The following ZWILCH variants were observed in gnomAD, a reference collection of about 807,000 sequenced individuals.
ZWILCH encodes zwilch kinetochore protein.
In ZWILCH, 74 loss-of-function variants were observed where a neutral mutation model predicts 79.9. The ratio of observed to expected loss-of-function variants is 0.93; its 90% CI spans 0.77 to 1.12. The LOEUF (loss-of-function observed/expected upper bound fraction) is 1.12, where lower values mean the gene tolerates loss of function less well. Ranked by LOEUF, ZWILCH falls within the 50% of genes most tolerant of loss-of-function variation. The probability of loss-of-function intolerance (pLI) is 0.00; values close to 1 mark genes in which losing one functional copy is unlikely to be tolerated. For missense variants in ZWILCH, 694 were observed against 687.5 expected, an observed-to-expected ratio of 1.01 and a Z score of -0.11; for synonymous variants, 241 against 228.2, an observed-to-expected ratio of 1.06 and a Z score of -0.51.
rs1491513134 is a variant in ZWILCH at position 66,509,870 on chromosome 15, T to TATATATATAG, written c.105+978_105+979insATATATATAG. Among the ~76,000 whole-genome samples the TATATATATAG allele has an allele frequency of 4.7e-4, 47 of 100,554 alleles. 3 individuals carry two copies. Among genetic ancestry groups the TATATATATAG allele is most frequent in the African/African-American group, 6.2e-4 (16 of 25,730 alleles). The allele number at this position is 100,554 out of a possible 152,430, so 66.0% of individuals were successfully genotyped here. On this transcript the variant is annotated intron_variant, in intron 2 of 18. Transcript: ENST00000307897. The stretch of plus-strand genomic sequence containing the variant: ...ATATATATATATATATATATATATA[T>TATATATATAG]CTCTTAAAAATCAATGAGGAAGATG...
intron 4 of ZWILCH, among the ~76,000 whole-genome samples, chr15:66,517,933 A>G (rs1894348449): frequency 6.6e-6 from 1 of 151,366 alleles, no homozygotes; most frequent in Non-Finnish European, 1.5e-5. Context: ...GGGTTTCACC[A>G]TGTTGGTCAG....
Position 66,514,075 on chromosome 15 carries a change from G to A in ZWILCH, c.193G>A (p.Glu65Lys), listed in dbSNP as rs545769609. ...TGAAAATGACATAGTATTCATAGTG[G>A]AAAAAGTGGTAAGTACTGGTTTGAC... ...LNENDIVFIV[E>K]KVPLEKEETS... Residue 65 changes from glutamate (E) to lysine (K), a missense_variant, in exon 3 of 19, where the codon GAA (glutamate) becomes AAA (lysine). Coordinates refer to ENST00000307897, the MANE Select transcript of ZWILCH (RefSeq NM_017975.5). 1 of 1,604,532 alleles carries A rather than the reference G, an allele frequency of 6.2e-7. No homozygotes were observed. The highest frequency in any genetic ancestry group is 1.1e-5 in the South Asian group (1 of 89,468).
At chr15:66,542,926 A>G (rs992605617) in intron 17 of ZWILCH, among the ~76,000 whole-genome samples, 2 of 152,224 alleles carry the variant, frequency 1.3e-5, no homozygotes, top group African/African-American at 4.8e-5. Context: ...GCAAAGATCA[A>G]AAAGTTTGGT....
chr15:66,535,661 GTGAGACCCTGTC>G (rs1230700767), intron 14 of ZWILCH, among the ~76,000 whole-genome samples: 2 of 149,666 alleles, frequency 1.3e-5, no homozygotes, highest in Non-Finnish European at 3.0e-5. Context: ...GTGTGGCAGA[GTGAGACCCTGTC>G]TCAAAAAAAA....
intron 3 of ZWILCH, among the ~76,000 whole-genome samples, chr15:66,514,797 A>C (rs527526342): frequency 6.6e-6 from 1 of 152,236 alleles, no homozygotes; most frequent in Non-Finnish European, 1.5e-5. Flanking sequence ...AACACCAATC[A>C]GAGGTTATTG....
intron 17 of ZWILCH, among the ~76,000 whole-genome samples, chr15:66,540,634 CTTT>C (rs763324094): frequency 7.1e-6 from 1 of 141,104 alleles, no homozygotes; most frequent in African/African-American, 2.6e-5. Flanking sequence ...TATTTTCTTT[CTTT>C]TTTTTTTTTG....
rs1033761235 is a variant in ZWILCH, at chr15:66,508,709, G to C, written c.54-132G>C. On this transcript the variant is annotated intron_variant, in intron 1 of 18. Coordinates refer to ENST00000307897, the MANE Select transcript of ZWILCH (RefSeq NM_017975.5). ...TTCTCTCTCTGCAACTACATCTTAG[G>C]GCTGCTGTAAGTACTTGCTTTTTGC... 2.1e-6 allele frequency: 3 copies of C among 1,437,932 alleles called. No homozygotes were observed. The African/African-American group carries it at 4.3e-5, about 21-fold the overall frequency. The allele number at this position is 1,437,932 out of a possible 1,614,324, so 89.1% of individuals were successfully genotyped here.
rs779094520 is a variant in ZWILCH, at chr15:66,532,400, A to G, written c.1309A>G (p.Ile437Val). Reference sequence around the variant, plus strand: ...AAAGAAAGATTATATCAGTTTTTTCATAGGTAAGTATCTTTCCTGGCTCAA... The same window carrying G: ...AAAGAAAGATTATATCAGTTTTTTCGTAGGTAAGTATCTTTCCTGGCTCAA... Reference protein sequence around the residue: ...KLKKDYISFFIGQELASLNHL... With the variant: ...KLKKDYISFFVGQELASLNHL... Residue 437 changes from isoleucine to valine, a missense_variant, in exon 13 of 19, where the codon ATA becomes GTA. Ile to Val is a conservative substitution (Grantham distance 29, BLOSUM62 3). Coordinates refer to ENST00000307897, the MANE Select transcript of ZWILCH (RefSeq NM_017975.5). The G allele has an allele frequency of 3.2e-5, 51 of 1,602,030 alleles. No homozygotes were observed. In the Admixed American group the frequency reaches 4.0e-4, roughly 13 times the overall value.
At chr15:66,505,672 C>A in intron 1 of ZWILCH, 1 of 466,340 alleles carries the variant, frequency 2.1e-6, no homozygotes, top group Non-Finnish European at 3.8e-6. Flanking sequence ...GACACACTTG[C>A]CATAAGTAGA....
At chr15:66,527,723 C>G (rs1894722208) in intron 9 of ZWILCH, 134 bp from the exon 10 acceptor site, 1 of 762,770 alleles carries the variant, frequency 1.3e-6, no homozygotes, top group South Asian at 1.7e-5. Flanking sequence ...TAATCTCCAC[C>G]AGAGTTCAGT....
chr15:66,513,708 A>C (rs1177591173), intron 2 of ZWILCH, among the ~76,000 whole-genome samples: 1 of 151,842 alleles, frequency 6.6e-6, no homozygotes, highest in African/African-American at 2.4e-5. Flanking sequence ...AGCAGCTGGG[A>C]CTACAGGCGC....
Position 66,540,173 on chromosome 15 carries a change from C to T in ZWILCH, c.1650C>T (p.Asp550=). Residue 550 remains aspartate (D), a synonymous_variant, in exon 17 of 19, where the codon GAC becomes GAT. Transcript: ENST00000307897. ...TTAAGACAGTTTGGCAACTGAGTGACAGCTCACCCATAGACCATCTGAATT... is the reference window on the plus strand; with the variant it reads ...TTAAGACAGTTTGGCAACTGAGTGATAGCTCACCCATAGACCATCTGAATT... The part of the protein sequence containing the change: ...KKIKTVWQLS[D]SSPIDHLNFH... The T allele has an allele frequency of 1.2e-6, 2 of 1,613,566 alleles. No individual in the cohort carries two copies. Among genetic ancestry groups the T allele is most frequent in the Non-Finnish European group, 1.7e-6 (2 of 1,179,620 alleles).
intron 4 of ZWILCH, among the ~76,000 whole-genome samples, chr15:66,517,381 CTAT>C (rs1894304635): frequency 7.5e-6 from 1 of 132,718 alleles, no homozygotes; most frequent in African/African-American, 2.9e-5. Flanking sequence ...ATGTTTATAA[CTAT>C]TGTTATACCT....
At chr15:66,507,054 G>T (rs1893855334) in intron 1 of ZWILCH, among the ~76,000 whole-genome samples, 1 of 152,030 alleles carries the variant, frequency 6.6e-6, no homozygotes, top group East Asian at 1.9e-4. Context: ...GTAGAGAAGA[G>T]GTTTCACCAT....
At chr15:66,516,470 A>G (rs528800851) in intron 4 of ZWILCH, among the ~76,000 whole-genome samples, 7 of 151,738 alleles carry the variant, frequency 4.6e-5, no homozygotes, top group African/African-American at 1.4e-4. Flanking sequence ...TTATATCTTC[A>G]TGCTGGTTTT....
At chr15:66,537,141 A>C (rs775271157) in intron 15 of ZWILCH, 27 bp from the exon 16 acceptor site, 1 of 1,586,874 alleles carries the variant, frequency 6.3e-7, no homozygotes, top group Non-Finnish European at 8.6e-7. Flanking sequence ...TCTTTTTTCC[A>C]AAAGAGGTTC....
intron 2 of ZWILCH, among the ~76,000 whole-genome samples, chr15:66,510,099 AC>A (rs1407379271): frequency 6.7e-6 from 1 of 150,356 alleles, no homozygotes. Context: ...AATCACTTGA[AC>A]CTGGGAGGCA....
Position 66,549,973 on chromosome 15 carries a change from T to G in ZWILCH, c.*1649T>G. On this transcript the variant is annotated 3_prime_UTR_variant, in exon 19 of 19. Coordinates refer to ENST00000307897, the MANE Select transcript of ZWILCH (RefSeq NM_017975.5). ...TTCAAGTAGAGCCACATTTTGAGAT[T>G]TTGAAAATGATATGTATAATTATTT... is the stretch of plus-strand genomic sequence containing the variant. The G allele has an allele frequency of 9.3e-7, 1 of 1,077,056 alleles. No individual in the cohort carries two copies. Among genetic ancestry groups the G allele is most frequent in the Non-Finnish European group, 1.3e-6 (1 of 767,768 alleles). The allele number at this position is 1,077,056 out of a possible 1,614,324, so 66.7% of individuals were successfully genotyped here. A position where few individuals can be genotyped will look rare whatever the true frequency, so the allele number is the denominator to read the frequency against.
At chr15:66,512,042 T>A (rs1894086587) in intron 2 of ZWILCH, among the ~76,000 whole-genome samples, 1 of 152,166 alleles carries the variant, frequency 6.6e-6, no homozygotes, top group Admixed American at 6.5e-5. Flanking sequence ...TTCAAAAGTG[T>A]TCATTTGAAT....
Sources: gnomAD v4.1 joint callset for allele counts (sites outside exome capture counted in the v4.1 genomes callset) on GRCh38, gnomAD v4.1.1 for gene constraint, MANE v1.5 for transcripts, NCBI Gene and HGNC (gene_info 2026-07-23, HGNC 2026-07-21) for gene names.